Variants in DENND1B observed in about 807,000 individuals in gnomAD.
DENND1B encodes the protein DENN domain containing 1B, also known as DENN domain-containing protein 1B.
Under a neutral mutation model 90.1 loss-of-function variants are expected in DENND1B, and 59 were observed. The ratio of observed to expected loss-of-function variants is 0.65; its 90% confidence interval spans 0.53 to 0.81. DENND1B has a LOEUF of 0.81. DENND1B is among the 40% of genes least tolerant of loss of function. DENND1B has a pLI of 0.00. For missense variants in DENND1B, 862 were observed against 912.6 expected (o/e 0.94, Z 0.71); for synonymous variants, 337 against 324.6 (o/e 1.04, Z -0.41).
intron 8 of DENND1B, among the ~76,000 whole-genome samples, chr1:197,646,123 T>C (rs1263733673): frequency 6.6e-6 from 1 of 151,860 alleles, no homozygotes; most frequent in Non-Finnish European, 1.5e-5. Flanking sequence ...TAAACATATA[T>C]ATTATTAAAA....
intron 7 of DENND1B, among the ~76,000 whole-genome samples, chr1:197,648,408 T>C (rs1484642542): frequency 6.6e-6 from 1 of 152,174 alleles, no homozygotes; most frequent in Non-Finnish European, 1.5e-5. Context: ...ATGGTTCTTA[T>C]TAATAAAGAT....
At chr1:197,520,074 A>C (rs887607258) in intron 20 of DENND1B, among the ~76,000 whole-genome samples, 1 of 151,870 alleles carries the variant, frequency 6.6e-6, no homozygotes, top group African/African-American at 2.4e-5. Context: ...GATAATGAAG[A>C]GCAATAGAAA....
intron 13 of DENND1B, among the ~76,000 whole-genome samples, chr1:197,598,588 A>G (rs1675919374): frequency 2.0e-5 from 3 of 151,772 alleles, no homozygotes; most frequent in South Asian, 2.1e-4. Context: ...CCAAACTTCT[A>G]ACTTTAGTTA....
In DENND1B at chr1:197,721,802, TG is replaced by T. The variant is rs542300793; in HGVS notation, c.83-6729del. Among the ~76,000 whole-genome samples, 23 of 152,226 alleles carry T rather than the reference TG, an allele frequency of 1.5e-4. No homozygotes were observed. In the East Asian group the frequency reaches 4.4e-3, roughly 29 times the overall value. ...TTTAGCAAGAAAAATACCACCAAAA[TG>T]TTTTTAAAACCCAAATACTACTGAT... On this transcript the variant is annotated intron_variant, in intron 2 of 22. Coordinates refer to ENST00000620048, the MANE Select transcript of DENND1B (RefSeq NM_001195215.2).
rs567334387 is a variant in DENND1B at position 197,737,982 on chromosome 1, A to G, written c.83-22908T>C. ...TAACATAGATATCTGACCTGGAAGC[A>G]GATAACCCAGCTCATTTTCTTCCCG... On this transcript the variant is annotated intron_variant, in intron 2 of 22. Transcript: ENST00000620048. 4.7e-5 allele frequency among the ~76,000 whole-genome samples: 7 copies of G among 150,382 alleles called. No homozygotes were observed. The South Asian group carries it at 1.5e-3, about 32-fold the overall frequency.
intron 5 of DENND1B, among the ~76,000 whole-genome samples, chr1:197,659,959 T>C (rs1572226626): frequency 6.6e-6 from 1 of 151,770 alleles, no homozygotes; most frequent in African/African-American, 2.4e-5. Context: ...TAAAAGGAAC[T>C]ACAAGTAAAT....
intron 2 of DENND1B, among the ~76,000 whole-genome samples, chr1:197,752,456 A>C (rs1653680100): frequency 6.6e-6 from 1 of 152,024 alleles, no homozygotes; most frequent in African/African-American, 2.4e-5. Context: ...GAATTCTATC[A>C]AACGTTTAAA....
chr1:197,528,846 C>A (rs1428964700), intron 20 of DENND1B, among the ~76,000 whole-genome samples: 2 of 135,412 alleles, frequency 1.5e-5, no homozygotes, highest in Non-Finnish European at 3.2e-5. Flanking sequence ...GGTGACAGAG[C>A]GAGACTCATC....
At chr1:197,679,051 C>A (rs1264364218) in intron 3 of DENND1B, among the ~76,000 whole-genome samples, 2 of 151,934 alleles carry the variant, frequency 1.3e-5, no homozygotes, top group Non-Finnish European at 2.9e-5. Flanking sequence ...GTTATTAAAT[C>A]TGATCAAGTT....
chr1:197,571,610 A>G lies in DENND1B; in HGVS notation c.1149+11542T>C, dbSNP rs749093264. 6.6e-4 allele frequency among the ~76,000 whole-genome samples: 101 copies of G among 152,182 alleles called. 1 individual carries two copies. The highest frequency in any genetic ancestry group is 1.9e-4 in the Non-Finnish European group (13 of 68,042). Reference sequence around the variant, plus strand: ...TATACTCTGAACTTTTTGCTCACTGATATTTTTCTTATTTGCTGTTTGTTT... The same window carrying G: ...TATACTCTGAACTTTTTGCTCACTGGTATTTTTCTTATTTGCTGTTTGTTT... On this transcript the variant is annotated intron_variant, in intron 15 of 22. Coordinates refer to ENST00000620048, the MANE Select transcript of DENND1B (RefSeq NM_001195215.2).
At chr1:197,760,585 T>C (rs534119633) in intron 2 of DENND1B, among the ~76,000 whole-genome samples, 17 of 148,438 alleles carry the variant, frequency 1.1e-4, no homozygotes, top group African/African-American at 4.3e-4. Flanking sequence ...GAAGTTGCAG[T>C]GAGCCAAGAT....
intron 2 of DENND1B, among the ~76,000 whole-genome samples, 184 bp from the exon 3 acceptor site, chr1:197,715,258 T>G (rs1660537873): frequency 6.6e-6 from 1 of 152,006 alleles, no homozygotes; most frequent in African/African-American, 2.4e-5. Context: ...TTTTGATTTT[T>G]TAAGAAATGT....
chr1:197,707,762 T>C (rs1659734950), intron 3 of DENND1B, among the ~76,000 whole-genome samples: 2 of 148,610 alleles, frequency 1.3e-5, no homozygotes, highest in South Asian at 4.2e-4. Context: ...GGTCTACAGC[T>C]CCCAGCGTGA....
At chr1:197,556,008 G>A (rs1671686249) in intron 15 of DENND1B, among the ~76,000 whole-genome samples, 1 of 152,046 alleles carries the variant, frequency 6.6e-6, no homozygotes, top group Non-Finnish European at 1.5e-5. Context: ...ATACACCATG[G>A]AATACTTTGC....
At chr1:197,767,793 A>G (rs1655877443) in intron 2 of DENND1B, among the ~76,000 whole-genome samples, 1 of 152,228 alleles carries the variant, frequency 6.6e-6, no homozygotes, top group South Asian at 2.1e-4. Flanking sequence ...TATTGGATTC[A>G]TTAATTTTAG....
chr1:197,578,832 G>A (rs1008549528), intron 15 of DENND1B, among the ~76,000 whole-genome samples: 1 of 151,336 alleles, frequency 6.6e-6, no homozygotes, highest in Admixed American at 6.6e-5. Flanking sequence ...AAAACTTAAA[G>A]TATAATACAA....
intron 20 of DENND1B, among the ~76,000 whole-genome samples, chr1:197,515,839 C>G (rs1668358307): frequency 6.6e-6 from 1 of 151,790 alleles, no homozygotes; most frequent in Admixed American, 6.6e-5. Context: ...CACACTTTAT[C>G]AAAACTAGGA....
In DENND1B at chr1:197,607,633, A is replaced by T. The variant is rs562661339; in HGVS notation, c.820-459T>A. Among the ~76,000 whole-genome samples the T allele has an allele frequency of 4.0e-5, 6 of 150,312 alleles. No individual in the cohort carries two copies. The South Asian group carries it at 1.2e-3, about 31-fold the overall frequency. On this transcript the variant is annotated intron_variant, in intron 12 of 22. Coordinates refer to ENST00000620048, the MANE Select transcript of DENND1B (RefSeq NM_001195215.2). ...AATTTAAATTTTTTGTCTATATTCT[A>T]TACAAAAAGGTATATGTTGGTGATG...
chr1:197,663,953 T>TAAATATATGGCAAAATATATGGC (rs1192093846), intron 5 of DENND1B, among the ~76,000 whole-genome samples: 4 of 151,922 alleles, frequency 2.6e-5, no homozygotes, highest in African/African-American at 9.7e-5. Flanking sequence ...ACTTTAAGTC[T>TAAATATATGGCAAAATATATGGC]AAATATATGG....
Sources: gnomAD v4.1 joint callset for allele counts (sites outside exome capture counted in the v4.1 genomes callset) on GRCh38, gnomAD v4.1.1 for gene constraint, MANE v1.5 for transcripts, NCBI Gene and HGNC (gene_info 2026-07-23, HGNC 2026-07-21) for gene names.